GRID1: variants seen among roughly 807,000 people sequenced by gnomAD.
GRID1 encodes the protein glutamate ionotropic receptor delta type subunit 1, also known as glutamate receptor ionotropic, delta-1.
GRID1 carries 28 observed loss-of-function variants against 98.0 expected under a neutral mutation model. The ratio of observed to expected loss-of-function variants is 0.29; its 90% CI spans 0.21 to 0.39. The LOEUF (loss-of-function observed/expected upper bound fraction) is 0.39, where lower values mean the gene tolerates loss of function less well. Ranked by LOEUF, GRID1 falls within the 10% of genes least tolerant of loss-of-function variation. The probability of loss-of-function intolerance (pLI) is 1.00; values close to 1 mark genes in which losing one functional copy is unlikely to be tolerated. For synonymous variants in GRID1, 553 were observed against 538.5 expected (o/e 1.03, Z -0.37); for missense variants, 1,111 against 1,340.5 (o/e 0.83, Z 2.67).
At chr10:85,610,519 C>G (rs2132510693) in intron 15 of GRID1, among the ~76,000 whole-genome samples, 2 of 152,322 alleles carry the variant, frequency 1.3e-5, no homozygotes, top group Middle Eastern at 6.8e-3. Flanking sequence ...ATCAATGCTT[C>G]AAAGCTCAGT....
At chr10:85,611,627 C>T (rs764191481) in intron 15 of GRID1, among the ~76,000 whole-genome samples, 5 of 152,216 alleles carry the variant, frequency 3.3e-5, no homozygotes, top group Non-Finnish European at 7.3e-5. Flanking sequence ...CCATCCTTCT[C>T]ATCCTTCTTG....
intron 12 of GRID1, among the ~76,000 whole-genome samples, chr10:85,677,124 C>A (rs1488012601): frequency 6.6e-6 from 1 of 152,190 alleles, no homozygotes; most frequent in East Asian, 1.9e-4. Flanking sequence ...GCAAACTGAT[C>A]CCCAAAACAG....
At chr10:85,801,829 A>ACTCC (rs1331570741) in intron 8 of GRID1, among the ~76,000 whole-genome samples, 22 of 152,072 alleles carry the variant, frequency 1.4e-4, no homozygotes, top group Non-Finnish European at 2.7e-4. Flanking sequence ...TAAGAATTAG[A>ACTCC]TATGTGAAAT....
At chr10:85,861,864 G>T (rs2131786271) in intron 6 of GRID1, among the ~76,000 whole-genome samples, 1 of 152,316 alleles carries the variant, frequency 6.6e-6, no homozygotes, top group East Asian at 1.9e-4. Flanking sequence ...AGGACTCAAT[G>T]GTCACCTCCC....
At chr10:86,121,579 C>CCATCATTAT (rs1844676917) in intron 4 of GRID1, among the ~76,000 whole-genome samples, 1 of 204 alleles carries the variant, frequency 4.9e-3, no homozygotes, top group Non-Finnish European at 0.011. Context: ...ATCAACATCA[C>CCATCATTAT]CACCATCACC....
chr10:85,856,024 C>A lies in GRID1; in HGVS notation c.1113+5G>T. The A allele has an allele frequency of 6.2e-7, 1 of 1,613,198 alleles. No homozygotes were observed. Among genetic ancestry groups the A allele is most frequent in the Non-Finnish European group, 8.5e-7 (1 of 1,179,834 alleles). On this transcript the variant is annotated splice_donor_5th_base_variant and intron_variant, in intron 7 of 15. Transcript: ENST00000327946. ...GCCAGGTTGGGGGTGCCCCCTCACA[C>A]GTACCTTTTTGATGGTATCCAGCAT...
At chr10:86,344,864 T>C (rs1848360343) in intron 2 of GRID1, among the ~76,000 whole-genome samples, 1 of 152,110 alleles carries the variant, frequency 6.6e-6, no homozygotes, top group African/African-American at 2.4e-5. Context: ...AGGCGGGAAC[T>C]GCCCAGCCAA....
At chr10:85,958,518 AC>A (rs1238395826) in intron 4 of GRID1, among the ~76,000 whole-genome samples, 2 of 151,968 alleles carry the variant, frequency 1.3e-5, no homozygotes, top group African/African-American at 4.8e-5. Flanking sequence ...GGGTGTCCAG[AC>A]ATTTGGCTGA....
At chr10:85,908,963 C>T (rs1359285510) in intron 5 of GRID1, among the ~76,000 whole-genome samples, 1 of 152,154 alleles carries the variant, frequency 6.6e-6, no homozygotes, top group African/African-American at 2.4e-5. Context: ...AATGTCTGTT[C>T]TTCAAAAGAC....
At chr10:85,993,955 T>C (rs1483784222) in intron 4 of GRID1, among the ~76,000 whole-genome samples, 1 of 151,986 alleles carries the variant, frequency 6.6e-6, no homozygotes, top group Non-Finnish European at 1.5e-5. Flanking sequence ...CAGGCAGCTG[T>C]CCCATCAAAT....
intron 4 of GRID1, among the ~76,000 whole-genome samples, chr10:85,982,602 A>G (rs1221551967): frequency 6.6e-6 from 1 of 152,144 alleles, no homozygotes; most frequent in African/African-American, 2.4e-5. Context: ...CAGCTCTGTG[A>G]TGTGGGATAA....
intron 4 of GRID1, among the ~76,000 whole-genome samples, chr10:85,949,753 G>A (rs141219550): frequency 0.021 from 3,160 of 152,226 alleles, 37 homozygotes; most frequent in Admixed American, 0.043. Flanking sequence ...ATATATTGCC[G>A]GGATTAAATG....
chr10:85,894,521 G>T (rs530762395), intron 5 of GRID1, among the ~76,000 whole-genome samples: 1 of 152,280 alleles, frequency 6.6e-6, no homozygotes, highest in East Asian at 1.9e-4. Flanking sequence ...GGAAATTTTT[G>T]TGGGTTATGC....
chr10:86,081,412 C>T (rs759025892), intron 4 of GRID1, among the ~76,000 whole-genome samples: 2 of 152,118 alleles, frequency 1.3e-5, no homozygotes, highest in Non-Finnish European at 2.9e-5. Flanking sequence ...CAAGGGGTTG[C>T]CTTTAGAAGG....
intron 3 of GRID1, among the ~76,000 whole-genome samples, chr10:86,199,632 C>T (rs1352768391): frequency 6.6e-6 from 1 of 152,142 alleles, no homozygotes; most frequent in Non-Finnish European, 1.5e-5. Context: ...GGCAGCTCCA[C>T]GCTCTTTCAG....
chr10:85,610,493 T>C (rs1842720220), intron 15 of GRID1, among the ~76,000 whole-genome samples: 1 of 152,178 alleles, frequency 6.6e-6, no homozygotes, highest in African/African-American at 2.4e-5. Flanking sequence ...ATCTCATCTT[T>C]AGTACCAGGG....
chr10:85,985,735 T>C (rs748210046), intron 4 of GRID1, among the ~76,000 whole-genome samples: 13 of 152,156 alleles, frequency 8.5e-5, no homozygotes, highest in Non-Finnish European at 1.5e-4. Flanking sequence ...CTACTGGACC[T>C]CAACCAACAC....
In GRID1 at chr10:86,059,931, G is replaced by A. The variant is rs575060313; in HGVS notation, c.726+78888C>T. Among the ~76,000 whole-genome samples, 8 of 152,234 alleles carry A rather than the reference G, an allele frequency of 5.3e-5. 1 individual carries two copies. In the East Asian group the frequency reaches 1.2e-3, roughly 22 times the overall value. ...CCTAATATTATGCAAACGAGTATAC[G>A]TAGCTTGTGATAAATTCTCCAGTGA... On this transcript the variant is annotated intron_variant, in intron 4 of 15. Coordinates refer to ENST00000327946, the MANE Select transcript of GRID1 (RefSeq NM_017551.3).
chr10:85,876,417 T>C (rs1198204025), intron 5 of GRID1, among the ~76,000 whole-genome samples: 1 of 152,148 alleles, frequency 6.6e-6, no homozygotes, highest in Non-Finnish European at 1.5e-5. Flanking sequence ...TTTGTGTTCC[T>C]CTTATAAAGA....
Sources: gnomAD v4.1 joint callset for allele counts (sites outside exome capture counted in the v4.1 genomes callset) on GRCh38, gnomAD v4.1.1 for gene constraint, MANE v1.5 for transcripts, NCBI Gene and HGNC (gene_info 2026-07-23, HGNC 2026-07-21) for gene names.